GPC6: variants seen among roughly 807,000 people sequenced by gnomAD.
GPC6 encodes the protein glypican-6.
Under a neutral mutation model 55.2 loss-of-function variants are expected in GPC6, and 14 were observed. The observed-to-expected ratio is 0.25, with a 90% CI of 0.17 to 0.40. The LOEUF (loss-of-function observed/expected upper bound fraction) is 0.40. Ranked by LOEUF, GPC6 falls within the 10% of genes least tolerant of loss-of-function variation. The pLI is 1.00. For missense variants in GPC6, 641 were observed against 708.5 expected, an observed-to-expected ratio of 0.90 and a Z score of 1.08; for synonymous variants, 278 against 259.6, an observed-to-expected ratio of 1.07 and a Z score of -0.68.
intron 1 of GPC6, among the ~76,000 whole-genome samples, chr13:93,312,749 G>A (rs959243881): frequency 4.6e-5 from 7 of 152,084 alleles, no homozygotes; most frequent in Admixed American, 3.9e-4. Context: ...ATACTTCTCT[G>A]GTTTAGAATA....
At chr13:93,895,232 GTGTATATATATATATATA>G (rs1197855144) in intron 3 of GPC6, among the ~76,000 whole-genome samples, 2 of 73,386 alleles carry the variant, frequency 2.7e-5, no homozygotes, top group Non-Finnish European at 5.4e-5. Flanking sequence ...ATGTGTGTGT[GTGTATATATATATATATA>G]TATATATATA....
At chr13:93,655,580 T>C (rs1167366488) in intron 2 of GPC6, among the ~76,000 whole-genome samples, 2 of 152,098 alleles carry the variant, frequency 1.3e-5, no homozygotes, top group Non-Finnish European at 2.9e-5. Context: ...GTTGTGAAGA[T>C]TCTATATCAA....
intron 4 of GPC6, among the ~76,000 whole-genome samples, chr13:94,067,228 T>C (rs1247503560): frequency 6.6e-6 from 1 of 152,212 alleles, no homozygotes; most frequent in Non-Finnish European, 1.5e-5. Context: ...ACTGATTATG[T>C]ATCAGATTGA....
At chr13:94,231,013 T>C (rs1890708718) in intron 4 of GPC6, among the ~76,000 whole-genome samples, 2 of 152,150 alleles carry the variant, frequency 1.3e-5, no homozygotes, top group Non-Finnish European at 1.5e-5. Flanking sequence ...AGGTAGCACG[T>C]AGCTACATTA....
intron 3 of GPC6, among the ~76,000 whole-genome samples, chr13:93,902,567 A>G (rs992140589): frequency 6.6e-6 from 1 of 152,132 alleles, no homozygotes; most frequent in Admixed American, 6.6e-5. Context: ...TTAGATCTAT[A>G]GCCAGTAGTG....
chr13:93,483,112 A>G (rs565964245), intron 1 of GPC6, among the ~76,000 whole-genome samples: 60 of 152,286 alleles, frequency 3.9e-4, no homozygotes, highest in African/African-American at 1.4e-3. Context: ...AATACTGGCA[A>G]TTGTTTTATT....
chr13:94,293,991 A>G (rs1875172138), intron 5 of GPC6, among the ~76,000 whole-genome samples: 1 of 152,180 alleles, frequency 6.6e-6, no homozygotes, highest in African/African-American at 2.4e-5. Flanking sequence ...AGCTTACTAC[A>G]TTCACCAATT....
intron 1 of GPC6, among the ~76,000 whole-genome samples, chr13:93,492,363 A>G (rs1880050766): frequency 7.2e-6 from 1 of 138,764 alleles, no homozygotes; most frequent in South Asian, 2.4e-4. Flanking sequence ...ATTTTTCTAC[A>G]TTGATTTTGT....
At chr13:93,787,278 A>G (rs1257057037) in intron 2 of GPC6, among the ~76,000 whole-genome samples, 2 of 152,198 alleles carry the variant, frequency 1.3e-5, no homozygotes, top group African/African-American at 4.8e-5. Context: ...CTCTGTACAG[A>G]GCAGAGGGTA....
intron 1 of GPC6, among the ~76,000 whole-genome samples, chr13:93,517,997 G>C (rs1408537410): frequency 6.6e-6 from 1 of 151,726 alleles, no homozygotes; most frequent in African/African-American, 2.4e-5. Context: ...ATTTTTAGGG[G>C]TATATGTAGT....
At chr13:93,489,421 T>C (rs1318883876) in intron 1 of GPC6, among the ~76,000 whole-genome samples, 11 of 151,462 alleles carry the variant, frequency 7.3e-5, no homozygotes, top group Non-Finnish European at 1.2e-4. Context: ...TCCAGCTTTG[T>C]TCTTTTGGCT....
chr13:93,814,411 T>C (rs1378134290), intron 2 of GPC6, among the ~76,000 whole-genome samples: 1 of 152,240 alleles, frequency 6.6e-6, no homozygotes, highest in African/African-American at 2.4e-5. Context: ...CCAGCAGTTA[T>C]GCTAAATCAT....
chr13:94,400,380 T>C (rs1881073956), intron 8 of GPC6, among the ~76,000 whole-genome samples: 1 of 152,236 alleles, frequency 6.6e-6, no homozygotes, highest in African/African-American at 2.4e-5. Flanking sequence ...TTTAATATTC[T>C]AAATCATTTT....
chr13:93,363,584 G>A (rs34451111), intron 1 of GPC6, among the ~76,000 whole-genome samples: 47,581 of 149,500 alleles, frequency 0.32, 8,221 homozygotes, highest in East Asian at 0.75. Context: ...GAATAATGCC[G>A]CAATAAACAT....
At chr13:93,931,464 G>T (rs1337320482) in intron 3 of GPC6, among the ~76,000 whole-genome samples, 2 of 148,010 alleles carry the variant, frequency 1.4e-5, no homozygotes, top group South Asian at 2.1e-4. Flanking sequence ...AATTGTAAAA[G>T]ATCAGAAGGT....
chr13:94,071,421 A>G (rs1279427999), intron 4 of GPC6, among the ~76,000 whole-genome samples: 1 of 152,212 alleles, frequency 6.6e-6, no homozygotes, highest in Non-Finnish European at 1.5e-5. Flanking sequence ...TTGAAAATCT[A>G]TCTGTCTTCA....
intron 3 of GPC6, among the ~76,000 whole-genome samples, chr13:93,873,041 GA>G (rs1160554638): frequency 6.7e-6 from 1 of 149,800 alleles, no homozygotes; most frequent in Non-Finnish European, 1.5e-5. Flanking sequence ...ACAAAATGTA[GA>G]AAAAAATCCA....
chr13:93,479,449 G>A (rs1026975107), intron 1 of GPC6, among the ~76,000 whole-genome samples: 10 of 152,118 alleles, frequency 6.6e-5, no homozygotes, highest in African/African-American at 2.4e-4. Context: ...GATCTGAGAA[G>A]TTAAAGTTAG....
Position 93,625,270 on chromosome 13 carries a change from T to A in GPC6, c.319+79849T>A, listed in dbSNP as rs79210808. 1.1e-4 allele frequency among the ~76,000 whole-genome samples: 16 copies of A among 152,322 alleles called. No individual in the cohort carries two copies. The East Asian group carries it at 3.1e-3, about 29-fold the overall frequency. On this transcript the variant is annotated intron_variant, in intron 2 of 8. Transcript: ENST00000377047. ...TCTTCTGCCCTTTATTTTTCTGCCC[T>A]ATTTTCCATAAAAGAGTGGAAATGT... is the stretch of plus-strand genomic sequence containing the variant.
Sources: allele counts gnomAD v4.1 joint callset (sites outside exome capture counted in the v4.1 genomes callset), GRCh38; gene constraint gnomAD v4.1.1; transcripts MANE v1.5; gene names NCBI Gene and HGNC (gene_info 2026-07-23, HGNC 2026-07-21).